CNTN5: variants seen among roughly 807,000 people sequenced by gnomAD.
CNTN5 encodes contactin-5.
Under a neutral mutation model 129.1 loss-of-function variants are expected in CNTN5, and 77 were observed. The observed-to-expected ratio is 0.60, with a 90% confidence interval of 0.50 to 0.72. The LOEUF is 0.72. Ranked by LOEUF, CNTN5 falls within the 30% of genes least tolerant of loss-of-function variation. The probability of loss-of-function intolerance (pLI) is 0.00; values close to 1 mark genes in which losing one functional copy is unlikely to be tolerated. For missense variants in CNTN5, 1,478 were observed against 1,328.8 expected (o/e 1.11, Z -1.75); for synonymous variants, 509 against 465.6 (o/e 1.09, Z -1.20).
chr11:99,428,541 G>A (rs1313821401), intron 2 of CNTN5, among the ~76,000 whole-genome samples: 8 of 132,550 alleles, frequency 6.0e-5, no homozygotes, highest in African/African-American at 2.3e-4. Context: ...GCCTGGACAA[G>A]AGAGTGAGAC....
At chr11:100,132,135 T>C (rs1294312172) in intron 13 of CNTN5, among the ~76,000 whole-genome samples, 3 of 152,148 alleles carry the variant, frequency 2.0e-5, no homozygotes, top group East Asian at 3.9e-4. Context: ...CAATTCTTAG[T>C]TGAACTCTGG....
At chr11:100,279,865 C>T (rs1950595771) in intron 18 of CNTN5, among the ~76,000 whole-genome samples, 2 of 141,918 alleles carry the variant, frequency 1.4e-5, no homozygotes, top group Admixed American at 1.4e-4. Context: ...TTTTCTAGTT[C>T]CTTAGGATGC....
chr11:99,946,776 T>A (rs11221998), intron 7 of CNTN5, among the ~76,000 whole-genome samples: 62,484 of 151,686 alleles, frequency 0.41, 13,157 homozygotes, highest in African/African-American at 0.48. Flanking sequence ...ACTTTCTTTT[T>A]TATGTGTTCT....
chr11:99,189,002 T>C (rs1363988286), intron 1 of CNTN5, among the ~76,000 whole-genome samples: 1 of 151,614 alleles, frequency 6.6e-6, no homozygotes, highest in African/African-American at 2.4e-5. Flanking sequence ...CCCAACCACT[T>C]CCCTCCCTCA....
intron 1 of CNTN5, among the ~76,000 whole-genome samples, chr11:99,214,037 G>A (rs1304444270): frequency 6.6e-6 from 1 of 152,120 alleles, no homozygotes; most frequent in Non-Finnish European, 1.5e-5. Context: ...TGCAGTTACT[G>A]CTATTAGAGC....
chr11:100,271,004 T>G (rs1950398040), intron 17 of CNTN5, 88 bp from the exon 18 acceptor site: 3 of 1,074,462 alleles, frequency 2.8e-6, no homozygotes, highest in Non-Finnish European at 4.0e-6. Flanking sequence ...AGCCTTCTGA[T>G]TCTGTCAGTA....
chr11:99,541,409 A>C (rs1257421505), intron 2 of CNTN5, among the ~76,000 whole-genome samples: 1 of 152,120 alleles, frequency 6.6e-6, no homozygotes, highest in East Asian at 1.9e-4. Flanking sequence ...ATGTTTATTA[A>C]AGGGTGTCAG....
At chr11:99,156,191 T>C (rs1188398861) in intron 1 of CNTN5, among the ~76,000 whole-genome samples, 1 of 152,000 alleles carries the variant, frequency 6.6e-6, no homozygotes, top group Non-Finnish European at 1.5e-5. Context: ...ATAAAAAGAT[T>C]GTATAAAATA....
chr11:99,151,917 G>A (rs2135489829), intron 1 of CNTN5, among the ~76,000 whole-genome samples: 1 of 152,232 alleles, frequency 6.6e-6, no homozygotes, highest in African/African-American at 2.4e-5. Context: ...AAGACCTAAT[G>A]TAGATGACGG....
At chr11:99,622,349 A>G (rs1234017001) in intron 3 of CNTN5, among the ~76,000 whole-genome samples, 1 of 152,186 alleles carries the variant, frequency 6.6e-6, no homozygotes, top group Non-Finnish European at 1.5e-5. Context: ...GTATGACTAA[A>G]GAGAAGAAAG....
intron 3 of CNTN5, among the ~76,000 whole-genome samples, chr11:99,633,424 A>C (rs1231428115): frequency 6.6e-6 from 1 of 152,246 alleles, no homozygotes; most frequent in Non-Finnish European, 1.5e-5. Flanking sequence ...GCAAGGCTCT[A>C]CTGAATATTA....
intron 3 of CNTN5, among the ~76,000 whole-genome samples, chr11:99,815,898 T>G (rs763232570): frequency 4.6e-5 from 7 of 152,176 alleles, no homozygotes; most frequent in Admixed American, 2.6e-4. Context: ...ATAGACTGAT[T>G]TTAACACCCT....
intron 1 of CNTN5, among the ~76,000 whole-genome samples, chr11:99,038,084 A>G (rs1488221457): frequency 2.0e-5 from 3 of 152,134 alleles, no homozygotes; most frequent in Admixed American, 6.5e-5. Context: ...ACATTGAAAA[A>G]TACTTCATAA....
In CNTN5 at chr11:100,193,629, A is replaced by G. The variant is rs1948557466; in HGVS notation, c.1850A>G (p.Glu617Gly). ...CTGAAAGGACAGCCTATTGATTTCGAGGAAGAGGGTGGACATTTTGAAAGC... is the reference window on the plus strand; with the variant it reads ...CTGAAAGGACAGCCTATTGATTTCGGGGAAGAGGGTGGACATTTTGAAAGC... ...WTLKGQPIDF[E>G]EEGGHFESIR... is the part of the protein sequence containing the mutation. The change falls in exon 15 of 25, where the codon GAG becomes GGG. Residue 617 changes from glutamate to glycine, a missense_variant. Physicochemically the swap from Glu to Gly is moderately conservative, Grantham distance 98. Coordinates refer to ENST00000524871, the MANE Select transcript of CNTN5 (RefSeq NM_014361.4). 6.2e-7 allele frequency: 1 copy of G among 1,611,986 alleles called. No homozygotes were observed. Among genetic ancestry groups the G allele is most frequent in the East Asian group, 2.2e-5 (1 of 44,762 alleles).
chr11:99,167,004 G>T (rs951076545), intron 1 of CNTN5, among the ~76,000 whole-genome samples: 4 of 152,042 alleles, frequency 2.6e-5, no homozygotes, highest in African/African-American at 7.2e-5. Flanking sequence ...TGCTTGAAAA[G>T]CTTTGCTACT....
chr11:99,997,543 G>A (rs1280235986), intron 8 of CNTN5, among the ~76,000 whole-genome samples: 4 of 152,118 alleles, frequency 2.6e-5, no homozygotes, highest in African/African-American at 7.2e-5. Flanking sequence ...AGCCCAGGAC[G>A]AGATGGATTC....
intron 3 of CNTN5, among the ~76,000 whole-genome samples, chr11:99,593,903 G>T (rs892629079): frequency 2.6e-5 from 4 of 152,168 alleles, no homozygotes; most frequent in African/African-American, 9.7e-5. Context: ...TCACTGGAAT[G>T]TGCCAATTAT....
In CNTN5 at chr11:100,340,784, T is replaced by A. The variant is rs187300881; in HGVS notation, c.2917+135T>A. On this transcript the variant is annotated intron_variant, in intron 22 of 24. Transcript: ENST00000524871. ...TCATAGTCTTGCTTCAGTGCTTAGA[T>A]CTGAATCCTCAAACTAGCTCAGAAA... 35 of 790,428 alleles carry A rather than the reference T, an allele frequency of 4.4e-5. No homozygotes were observed. The African/African-American group carries it at 5.8e-4, about 13-fold the overall frequency. 49.0% of individuals were successfully genotyped at this position (790,428 alleles called of 1,614,324 possible).
chr11:99,509,361 AGATTTAATTT>A (rs891936841), intron 2 of CNTN5, among the ~76,000 whole-genome samples: 1 of 152,214 alleles, frequency 6.6e-6, no homozygotes, highest in Non-Finnish European at 1.5e-5. Context: ...CAAACATTAA[AGATTTAATTT>A]GATTTAATTT....
Sources: allele counts gnomAD v4.1 joint callset (sites outside exome capture counted in the v4.1 genomes callset), GRCh38; gene constraint gnomAD v4.1.1; transcripts MANE v1.5; gene names NCBI Gene and HGNC (gene_info 2026-07-23, HGNC 2026-07-21).